The following MTF1 variants were observed in gnomAD, a reference collection of about 807,000 sequenced individuals.
MTF1 encodes the protein MRE-binding transcription factor.
MTF1 carries 22 observed loss-of-function variants against 70.4 expected under a neutral mutation model. The ratio of observed to expected loss-of-function variants is 0.31; its 90% CI spans 0.22 to 0.45. MTF1 has a LOEUF of 0.45. Ranked by LOEUF, MTF1 falls within the 20% of genes least tolerant of loss-of-function variation. MTF1 has a pLI of 1.00. For synonymous variants in MTF1, 333 were observed against 352.8 expected, an observed-to-expected ratio of 0.94 and a Z score of 0.63; for missense variants, 649 against 922.0, an observed-to-expected ratio of 0.70 and a Z score of 3.83.
chr1:37,856,287 C>T (rs565172104), intron 2 of MTF1, among the ~76,000 whole-genome samples: 37 of 149,070 alleles, frequency 2.5e-4, no homozygotes, highest in African/African-American at 9.1e-4. Flanking sequence ...AAGTAATTCC[C>T]CTGCCTCAGC....
At chr1:37,851,624 C>T (rs896509975) in intron 2 of MTF1, among the ~76,000 whole-genome samples, 14 of 152,128 alleles carry the variant, frequency 9.2e-5, no homozygotes, top group African/African-American at 1.9e-4. Flanking sequence ...TAGCTGTTGG[C>T]ACATCAAAGG....
At position 37,839,949 on chromosome 1, in the gene MTF1, G is replaced by A. The variant is rs200321858; in HGVS notation, c.618C>T (p.Gly206=). 79 of 1,614,072 alleles carry A rather than the reference G, an allele frequency of 4.9e-5. 1 individual carries two copies. The South Asian group carries it at 8.2e-4, about 17-fold the overall frequency. ...KEKPFECDVQ[G]CEKAFNTLYR... is the part of the protein sequence containing the mutation. The stretch of plus-strand genomic sequence containing the variant: ...ACAGTGTGTTGAATGCCTTCTCACA[G>A]CCCTGCACGTCACACTCAAATGGCT... The change falls in exon 3 of 11, where the codon GGC becomes GGT. Residue 206 remains glycine, a synonymous_variant. Coordinates refer to ENST00000373036, the MANE Select transcript of MTF1 (RefSeq NM_005955.3).
intron 2 of MTF1, 52 bp downstream of exon 2, chr1:37,857,199 G>GT: frequency 6.4e-7 from 1 of 1,557,896 alleles, no homozygotes; most frequent in Non-Finnish European, 8.7e-7. Flanking sequence ...CAAGAATTTT[G>GT]TAAGGACTTG....
At chr1:37,816,400 C>T (rs1376018503) in intron 10 of MTF1, among the ~76,000 whole-genome samples, 2 of 151,776 alleles carry the variant, frequency 1.3e-5, no homozygotes, top group African/African-American at 2.4e-5. Context: ...TTAGGCCGGG[C>T]GTGGTGGCTC....
rs1420064773 is a variant in MTF1 at position 37,840,675 on chromosome 1, C to G, written c.409-517G>C. Among the ~76,000 whole-genome samples the G allele has an allele frequency of 6.6e-6, 1 of 152,072 alleles. No individual in the cohort carries two copies. Among genetic ancestry groups the G allele is most frequent in the South Asian group, 2.1e-4 (1 of 4,836 alleles). On this transcript the variant is annotated intron_variant, in intron 2 of 10. Coordinates refer to ENST00000373036, the MANE Select transcript of MTF1 (RefSeq NM_005955.3). The surrounding 1 kb of genome is among the most constrained non-coding windows in gnomAD (Gnocchi z 4.5). ...AATGACAACAACATATTGCAAATTT[C>G]TTGGAAGATTTGGTGATGTGATAAT...
At chr1:37,857,152 C>T (rs1311605263) in intron 2 of MTF1, 99 bp downstream of exon 2, 2 of 1,196,060 alleles carry the variant, frequency 1.7e-6, no homozygotes, top group Non-Finnish European at 1.2e-6. Context: ...AAGTCCTAAC[C>T]CCATGCACTC....
intron 7 of MTF1, chr1:37,828,061 AGAAT>A (rs1240321104): frequency 9.5e-6 from 3 of 315,822 alleles, no homozygotes; most frequent in Admixed American, 4.6e-5. Flanking sequence ...TTCAACAAGA[AGAAT>A]GAATGACCTG....
At chr1:37,849,714 C>T (rs1212564972) in intron 2 of MTF1, among the ~76,000 whole-genome samples, 3 of 152,048 alleles carry the variant, frequency 2.0e-5, no homozygotes, top group African/African-American at 7.2e-5. Context: ...GAATGGACTG[C>T]ACAAACCAAC....
chr1:37,859,377 G>A (rs1321390874), intron 1 of MTF1, among the ~76,000 whole-genome samples, 154 bp downstream of exon 1: 2 of 152,170 alleles, frequency 1.3e-5, no homozygotes, highest in Non-Finnish European at 2.9e-5. Context: ...AGGGAAGGGG[G>A]GCTGGATACC....
intron 9 of MTF1, among the ~76,000 whole-genome samples, chr1:37,819,855 G>C (rs1640883309): frequency 6.6e-6 from 1 of 151,334 alleles, no homozygotes; most frequent in Non-Finnish European, 1.5e-5. Context: ...GGGAGGCTGA[G>C]GCAGGAGAAT....
Position 37,812,666 on chromosome 1 carries a change from C to G in MTF1, c.*2470G>C, listed in dbSNP as rs1377775923. On this transcript the variant is annotated 3_prime_UTR_variant, in exon 11 of 11. Coordinates refer to ENST00000373036, the MANE Select transcript of MTF1 (RefSeq NM_005955.3). ...GGTGCTTCAGATGTCCTTCCCTGGG[C>G]TCCTATTTCCCACTTCCGCCCCAGG... The G allele has an allele frequency of 1.3e-5, 2 of 152,234 alleles. No homozygotes were observed. The highest frequency in any genetic ancestry group is 4.8e-5 in the African/African-American group (2 of 41,450). 9.4% of individuals were successfully genotyped at this position (152,234 alleles called of 1,614,324 possible). A position where few individuals can be genotyped will look rare whatever the true frequency, so the allele number is the denominator to read the frequency against.
intron 7 of MTF1, chr1:37,826,557 GCCA>G: frequency 2.2e-6 from 1 of 455,324 alleles, no homozygotes. Context: ...ACAAGTATGA[GCCA>G]CCACCACCAG....
At chr1:37,830,950 AC>A (rs1641077517) in intron 7 of MTF1, among the ~76,000 whole-genome samples, 1 of 152,128 alleles carries the variant, frequency 6.6e-6, no homozygotes, top group Admixed American at 6.5e-5. Flanking sequence ...TGCTGTGGCC[AC>A]CCTGAACTCT....
chr1:37,832,415 T>TTA, intron 6 of MTF1, 93 bp from the exon 7 acceptor site: 1 of 768,114 alleles, frequency 1.3e-6, no homozygotes, highest in Non-Finnish European at 2.2e-6. Flanking sequence ...AAGTCCCTAA[T>TTA]GTTCCACATG....
chr1:37,815,919 C>T lies in MTF1; in HGVS notation c.1832-353G>A, dbSNP rs532892305. Among the ~76,000 whole-genome samples, 22 of 152,284 alleles carry T rather than the reference C, an allele frequency of 1.4e-4. No homozygotes were observed. The highest frequency in any genetic ancestry group is 6.8e-3 in the Middle Eastern group (2 of 294). On this transcript the variant is annotated intron_variant, in intron 10 of 10. Transcript: ENST00000373036. The surrounding 1 kb of genome is among the most constrained non-coding windows in gnomAD (Gnocchi z 4.5). ...CCCTGGGCCTGTGGGCTCTTCCTTA[C>T]GACTAAAATCCCTGGACACCTCTCT...
chr1:37,833,299 G>A (rs923882997), intron 6 of MTF1, among the ~76,000 whole-genome samples: 8 of 152,162 alleles, frequency 5.3e-5, no homozygotes, highest in Admixed American at 6.5e-5. Context: ...CAAACACACA[G>A]CTAATTAGCA....
chr1:37,822,994 C>CT (rs1557588003), intron 8 of MTF1, among the ~76,000 whole-genome samples: 1 of 152,250 alleles, frequency 6.6e-6, no homozygotes, highest in South Asian at 2.1e-4. Flanking sequence ...ACTAAACATC[C>CT]TTTTTTTGAC....
At chr1:37,841,928 T>C (rs574839122) in intron 2 of MTF1, among the ~76,000 whole-genome samples, 1 of 151,828 alleles carries the variant, frequency 6.6e-6, no homozygotes, top group Non-Finnish European at 1.5e-5. Flanking sequence ...GTTCCAGCTA[T>C]TTGGGAAGCT....
chr1:37,820,603 TA>T (rs1640895396), intron 9 of MTF1, among the ~76,000 whole-genome samples: 1 of 152,188 alleles, frequency 6.6e-6, no homozygotes, highest in Non-Finnish European at 1.5e-5. Context: ...CAATGATTGC[TA>T]GGGGAGAGGG....
Sources: allele counts gnomAD v4.1 joint callset (sites outside exome capture counted in the v4.1 genomes callset), GRCh38; gene constraint gnomAD v4.1.1; non-coding constraint Gnocchi (gnomAD v3.1); transcripts MANE v1.5; gene names NCBI Gene and HGNC (gene_info 2026-07-23, HGNC 2026-07-21).